Variants in MPPED2 observed in about 807,000 individuals in gnomAD.
The protein encoded by MPPED2 is metallophosphoesterase MPPED2.
A neutral mutation model predicts 33.0 loss-of-function variants in MPPED2; 5 were observed. The ratio of observed to expected loss-of-function variants is 0.15; its 90% confidence interval spans 0.08 to 0.32. The LOEUF (loss-of-function observed/expected upper bound fraction) is 0.32, where lower values mean the gene tolerates loss of function less well. Among genes scored for constraint, MPPED2 ranks in the 10% least tolerant of loss-of-function variants. MPPED2 has a pLI of 1.00. For synonymous variants in MPPED2, 136 were observed against 141.9 expected, an observed-to-expected ratio of 0.96 and a Z score of 0.29; for missense variants, 275 against 372.1, an observed-to-expected ratio of 0.74 and a Z score of 2.15.
At chr11:30,461,889 C>T (rs1420364339) in intron 4 of MPPED2, among the ~76,000 whole-genome samples, 1 of 152,166 alleles carries the variant, frequency 6.6e-6, no homozygotes, top group Non-Finnish European at 1.5e-5. Flanking sequence ...AACTTTGCTA[C>T]GTTCTAGGAG....
intron 4 of MPPED2, among the ~76,000 whole-genome samples, chr11:30,476,604 A>G (rs776668064): frequency 6.6e-6 from 1 of 152,008 alleles, no homozygotes; most frequent in Non-Finnish European, 1.5e-5. Flanking sequence ...ACATTGATCT[A>G]TGTGTCCACC....
chr11:30,399,954 T>C (rs139611469), intron 6 of MPPED2, among the ~76,000 whole-genome samples: 13 of 152,366 alleles, frequency 8.5e-5, no homozygotes, highest in African/African-American at 1.2e-4. Flanking sequence ...AGTATTAAGC[T>C]TGTAGTAACA....
chr11:30,488,242 G>A (rs1951827460), intron 4 of MPPED2, among the ~76,000 whole-genome samples: 1 of 152,144 alleles, frequency 6.6e-6, no homozygotes, highest in Non-Finnish European at 1.5e-5. Context: ...ATTGTTGTGA[G>A]CCCCAAATGA....
chr11:30,422,641 G>A (rs1948661230), intron 4 of MPPED2, among the ~76,000 whole-genome samples: 1 of 152,186 alleles, frequency 6.6e-6, no homozygotes, highest in African/African-American at 2.4e-5. Context: ...TAGCAATGGG[G>A]GTGAGGGGGG....
At chr11:30,394,673 T>C (rs970038164) in intron 6 of MPPED2, among the ~76,000 whole-genome samples, 8 of 152,198 alleles carry the variant, frequency 5.3e-5, no homozygotes, top group Non-Finnish European at 1.0e-4. Context: ...TGATATGTGA[T>C]GTGAAAATAT....
intron 2 of MPPED2, among the ~76,000 whole-genome samples, chr11:30,544,958 A>C (rs551498919): frequency 6.6e-6 from 1 of 152,244 alleles, no homozygotes; most frequent in Non-Finnish European, 1.5e-5. Context: ...GAAGAAGGCC[A>C]TCTAGAGAAC....
intron 6 of MPPED2, among the ~76,000 whole-genome samples, chr11:30,412,247 A>G (rs1026505588): frequency 2.0e-5 from 3 of 149,514 alleles, no homozygotes; most frequent in African/African-American, 7.4e-5. Context: ...CCTGGATACT[A>G]GATCAAGCAA....
chr11:30,458,498 G>A (rs1950376190), intron 4 of MPPED2, among the ~76,000 whole-genome samples: 1 of 152,174 alleles, frequency 6.6e-6, no homozygotes, highest in African/African-American at 2.4e-5. Flanking sequence ...AATTATCCAT[G>A]TCCCAATCAA....
At chr11:30,423,274 C>T (rs576992943) in intron 4 of MPPED2, among the ~76,000 whole-genome samples, 1 of 152,288 alleles carries the variant, frequency 6.6e-6, no homozygotes, top group South Asian at 2.1e-4. Context: ...AGGTGGGCTA[C>T]TCAGGGTCAC....
chr11:30,522,529 A>G (rs1026624940), intron 3 of MPPED2, among the ~76,000 whole-genome samples: 2 of 152,156 alleles, frequency 1.3e-5, no homozygotes, highest in African/African-American at 4.8e-5. Context: ...ACTTTCCTGA[A>G]ACTTGAAGAA....
At chr11:30,554,346 G>A (rs1436636902) in intron 2 of MPPED2, among the ~76,000 whole-genome samples, 2 of 152,176 alleles carry the variant, frequency 1.3e-5, no homozygotes, top group African/African-American at 4.8e-5. Context: ...CCTCTTTCCT[G>A]TTGTTAAGCT....
chr11:30,498,852 A>C (rs1019884765), intron 3 of MPPED2, among the ~76,000 whole-genome samples: 3 of 152,214 alleles, frequency 2.0e-5, no homozygotes, highest in Non-Finnish European at 2.9e-5. Flanking sequence ...CAATAAAGTG[A>C]CAATGGTAGG....
intron 3 of MPPED2, among the ~76,000 whole-genome samples, chr11:30,498,068 GT>G (rs57258633): frequency 0.033 from 4,882 of 147,770 alleles, 271 homozygotes; most frequent in African/African-American, 0.11. Flanking sequence ...CATTTTCGTT[GT>G]TTTTTTTTTT....
chr11:30,510,792 T>C (rs1176729130), intron 3 of MPPED2, among the ~76,000 whole-genome samples: 1 of 152,168 alleles, frequency 6.6e-6, no homozygotes, highest in Non-Finnish European at 1.5e-5. Flanking sequence ...AAAAAGAAGG[T>C]ATTTTTGCAG....
rs771565862 is a variant in MPPED2, at chr11:30,580,332, C to T, written c.42G>A (p.Thr14=). 12 of 1,613,922 alleles carry T rather than the reference C, an allele frequency of 7.4e-6. No individual in the cohort carries two copies. The highest frequency in any genetic ancestry group is 1.7e-5 in the Admixed American group (1 of 59,982). ...GIPSQGKVTI[T]VDEYSSNPTQ... ...TGGGGTTTGAGCTGTACTCATCCAC[C>T]GTTATGGTAACTTTGCCTTGAGAAG... Residue 14 remains threonine (T), a synonymous_variant, in exon 2 of 7, where the codon ACG becomes ACA. Coordinates refer to ENST00000358117, the MANE Select transcript of MPPED2 (RefSeq NM_001584.3).
chr11:30,449,330 T>C (rs1447384361), intron 4 of MPPED2, among the ~76,000 whole-genome samples: 3 of 152,186 alleles, frequency 2.0e-5, no homozygotes, highest in African/African-American at 4.8e-5. Flanking sequence ...ATAAGGAGTA[T>C]TTTTGAGCTG....
intron 1 of MPPED2, among the ~76,000 whole-genome samples, chr11:30,583,750 C>T (rs1403175011): frequency 6.6e-6 from 1 of 152,186 alleles, no homozygotes; most frequent in Non-Finnish European, 1.5e-5. Context: ...AAAGCAACAA[C>T]TCATGACCTC....
intron 4 of MPPED2, among the ~76,000 whole-genome samples, chr11:30,466,656 G>A (rs957747480): frequency 1.3e-5 from 2 of 152,158 alleles, no homozygotes; most frequent in African/African-American, 2.4e-5. Flanking sequence ...ATACTGAAGG[G>A]GCAGTGATGC....
chr11:30,404,890 G>A (rs572915381), intron 6 of MPPED2, among the ~76,000 whole-genome samples: 82 of 152,302 alleles, frequency 5.4e-4, no homozygotes, highest in Middle Eastern at 3.4e-3. Context: ...TTGCCAAATA[G>A]TGATTAATTC....
Sources: allele counts gnomAD v4.1 joint callset (sites outside exome capture counted in the v4.1 genomes callset), GRCh38; gene constraint gnomAD v4.1.1; transcripts MANE v1.5; gene names NCBI Gene and HGNC (gene_info 2026-07-23, HGNC 2026-07-21).